LAMA2: variants seen among roughly 807,000 people sequenced by gnomAD.
The protein encoded by LAMA2 is laminin subunit alpha 2.
Under a neutral mutation model 364.8 loss-of-function variants are expected in LAMA2, and 269 were observed. The ratio of observed to expected loss-of-function variants is 0.74; its 90% CI spans 0.67 to 0.82. LAMA2 has a LOEUF of 0.82. Ranked by LOEUF, LAMA2 falls within the 40% of genes least tolerant of loss-of-function variation. The pLI is 0.00. For missense variants in LAMA2, 3,807 were observed against 3,873.2 expected (o/e 0.98, Z 0.45); for synonymous variants, 1,379 against 1,370.6 (o/e 1.01, Z -0.14).
chr6:129,420,540 G>T (rs750563879), intron 40 of LAMA2, among the ~76,000 whole-genome samples: 8 of 152,116 alleles, frequency 5.3e-5, no homozygotes, highest in Non-Finnish European at 8.8e-5. Context: ...TTCATAAAGA[G>T]AGAGAGTAAT....
At chr6:129,470,736 T>C (rs1161223324) in intron 51 of LAMA2, among the ~76,000 whole-genome samples, 1 of 151,806 alleles carries the variant, frequency 6.6e-6, no homozygotes, top group Non-Finnish European at 1.5e-5. Flanking sequence ...GACAGAGTAG[T>C]GGGAGAGGAA....
chr6:129,397,838 G>A (rs1779740774), intron 37 of LAMA2, among the ~76,000 whole-genome samples: 1 of 151,384 alleles, frequency 6.6e-6, no homozygotes, highest in Non-Finnish European at 1.5e-5. Flanking sequence ...TCGGGAGGCT[G>A]AGGCAGGAGA....
intron 1 of LAMA2, among the ~76,000 whole-genome samples, chr6:128,911,931 TCTA>T (rs1488026391): frequency 6.6e-6 from 1 of 152,206 alleles, no homozygotes; most frequent in Non-Finnish European, 1.5e-5. Flanking sequence ...TTTCACCCAG[TCTA>T]CTGTCTGTAA....
chr6:129,277,286 G>C (rs907949205), intron 17 of LAMA2, among the ~76,000 whole-genome samples: 1 of 152,098 alleles, frequency 6.6e-6, no homozygotes. Context: ...TTCATGTCTT[G>C]GCCAAAATTA....
chr6:129,093,824 A>G lies in LAMA2; in HGVS notation c.397-4349A>G, dbSNP rs371207548. On this transcript the variant is annotated intron_variant, in intron 3 of 64. Coordinates refer to ENST00000421865, the MANE Select transcript of LAMA2 (RefSeq NM_000426.4). The stretch of plus-strand genomic sequence containing the variant: ...TTATTTGGGATTTTTTTAAGACACC[A>G]AGTTTGTAACAAGTGCCCTTCAACA... Among the ~76,000 whole-genome samples the G allele has an allele frequency of 6.1e-3, 923 of 152,324 alleles. 8 individuals are homozygous for G. The highest frequency in any genetic ancestry group is 0.021 in the African/African-American group (883 of 41,572).
intron 3 of LAMA2, among the ~76,000 whole-genome samples, chr6:129,060,612 C>T (rs553847714): frequency 1.8e-4 from 28 of 152,256 alleles, no homozygotes; most frequent in African/African-American, 6.7e-4. Flanking sequence ...AAATAATGTG[C>T]AGGGGTGATG....
At chr6:128,993,730 G>A (rs987264738) in intron 1 of LAMA2, among the ~76,000 whole-genome samples, 2 of 152,132 alleles carry the variant, frequency 1.3e-5, no homozygotes. Context: ...GAGAGGCAGT[G>A]TTTCTGAAAC....
chr6:129,179,396 T>A (rs1392927656), intron 10 of LAMA2, among the ~76,000 whole-genome samples: 12 of 152,108 alleles, frequency 7.9e-5, no homozygotes, highest in Non-Finnish European at 4.4e-5. Flanking sequence ...CACCTACCAC[T>A]CATACAGTGG....
chr6:129,366,597 T>C (rs1484704461), intron 33 of LAMA2, among the ~76,000 whole-genome samples: 1 of 152,164 alleles, frequency 6.6e-6, no homozygotes, highest in Non-Finnish European at 1.5e-5. Context: ...CTAAATCAGT[T>C]TTATTATGTC....
chr6:129,146,849 T>A, intron 5 of LAMA2, 110 bp from the exon 6 acceptor site: 1 of 784,836 alleles, frequency 1.3e-6, no homozygotes, highest in Non-Finnish European at 2.3e-6. Context: ...ACAAATGTCC[T>A]TCAAACTAAG....
chr6:129,404,361 C>T (rs1236816487), intron 40 of LAMA2, among the ~76,000 whole-genome samples: 6 of 152,120 alleles, frequency 3.9e-5, no homozygotes, highest in African/African-American at 1.2e-4. Context: ...ATAAAATTCA[C>T]TTTTTAATAA....
chr6:129,424,775 G>A (rs925939662), intron 40 of LAMA2, among the ~76,000 whole-genome samples: 2 of 151,994 alleles, frequency 1.3e-5, no homozygotes, highest in African/African-American at 4.8e-5. Context: ...AAATAGTTCA[G>A]ATACTTTAGA....
Position 129,445,648 on chromosome 6 carries a change from C to T in LAMA2, c.6275-19C>T. ...GTGTGTGCATGCATATACATGCACACTAATTTTGTTCTATGCAGTTGCCGA... is the reference window on the plus strand; with the variant it reads ...GTGTGTGCATGCATATACATGCACATTAATTTTGTTCTATGCAGTTGCCGA... On this transcript the variant is annotated intron_variant, in intron 44 of 64. Transcript: ENST00000421865. The T allele has an allele frequency of 6.2e-7, 1 of 1,612,232 alleles. No homozygotes were observed.
intron 45 of LAMA2, among the ~76,000 whole-genome samples, chr6:129,452,085 G>A (rs957241815): frequency 2.0e-5 from 3 of 152,152 alleles, no homozygotes; most frequent in African/African-American, 4.8e-5. Flanking sequence ...CTTCTGGAGC[G>A]CTATCAATGA....
rs1779190736 is a variant in LAMA2 at position 129,157,611 on chromosome 6, C to T, written c.1206+2928C>T. The T allele has an allele frequency of 2.5e-6, 4 of 1,612,564 alleles. No individual in the cohort carries two copies. The South Asian group carries it at 4.4e-5, about 18-fold the overall frequency. ...GAGTCTGGGGGCTGGATTGTGGGCC[C>T]AGCATTCTGACATTAGCTTCAAAAC... On this transcript the variant is annotated intron_variant, in intron 8 of 64. Coordinates refer to ENST00000421865, the MANE Select transcript of LAMA2 (RefSeq NM_000426.4).
At chr6:128,961,025 CAA>C (rs1781456145) in intron 1 of LAMA2, among the ~76,000 whole-genome samples, 1 of 151,448 alleles carries the variant, frequency 6.6e-6, no homozygotes, top group African/African-American at 2.4e-5. Flanking sequence ...CATGTTAACT[CAA>C]ATATGAACAA....
intron 29 of LAMA2, among the ~76,000 whole-genome samples, chr6:129,330,081 T>C (rs1454588096): frequency 1.3e-5 from 2 of 151,854 alleles, no homozygotes; most frequent in African/African-American, 4.8e-5. Context: ...CACCCCAAGA[T>C]GGGACTATCT....
chr6:129,509,201 T>G (rs149675171), intron 62 of LAMA2, among the ~76,000 whole-genome samples: 86 of 152,282 alleles, frequency 5.6e-4, no homozygotes, highest in African/African-American at 2.0e-3. Context: ...AATAGGATTA[T>G]TAGATTTTTT....
chr6:129,221,676 C>T (rs1783864867), intron 12 of LAMA2, among the ~76,000 whole-genome samples: 1 of 144,558 alleles, frequency 6.9e-6, no homozygotes, highest in South Asian at 2.1e-4. Context: ...TGGTTAACCA[C>T]TTGACATTAT....
Sources: gnomAD v4.1 joint callset for allele counts (sites outside exome capture counted in the v4.1 genomes callset) on GRCh38, gnomAD v4.1.1 for gene constraint, MANE v1.5 for transcripts, NCBI Gene and HGNC (gene_info 2026-07-23, HGNC 2026-07-21) for gene names.